The following DNAH7 variants were observed in gnomAD, a reference collection of about 807,000 sequenced individuals.
The protein encoded by DNAH7 is axonemal beta dynein heavy chain 7.
A neutral mutation model predicts 444.6 loss-of-function variants in DNAH7; 397 were observed. The ratio of observed to expected loss-of-function variants is 0.89; its 90% CI spans 0.82 to 0.97. The LOEUF (loss-of-function observed/expected upper bound fraction) is 0.97, where lower values mean the gene tolerates loss of function less well. DNAH7 is among the 50% of genes least tolerant of loss of function. The pLI, the probability that DNAH7 is intolerant of heterozygous loss-of-function variation, is 0.00. For synonymous variants in DNAH7, 1,636 were observed against 1,624.4 expected, an observed-to-expected ratio of 1.01 and a Z score of -0.17; for missense variants, 4,902 against 4,800.8, an observed-to-expected ratio of 1.02 and a Z score of -0.62.
At chr2:195,947,002 G>A (rs1559257616) in intron 19 of DNAH7, among the ~76,000 whole-genome samples, 1 of 151,762 alleles carries the variant, frequency 6.6e-6, no homozygotes, top group Non-Finnish European at 1.5e-5. Flanking sequence ...GTCACTGGTT[G>A]AGTATAGTTG....
intron 5 of DNAH7, among the ~76,000 whole-genome samples, chr2:196,047,058 A>C: frequency 7.4e-6 from 1 of 135,830 alleles, no homozygotes. Flanking sequence ...GAGATTGGGG[A>C]AAAAAAACCT....
Position 196,051,189 on chromosome 2 carries a change from T to G in DNAH7, c.139A>C (p.Met47Leu). ...GAGAATATATTTGGATAAGTTACCATAGACAGCTGTGGTAAAGCTCTTGCT... is the reference window on the plus strand; with the variant it reads ...GAGAATATATTTGGATAAGTTACCAGAGACAGCTGTGGTAAAGCTCTTGCT... ...APARALPQLSMVSTKPHWQQA... is the reference protein window; with the variant it reads ...APARALPQLSLVSTKPHWQQA... The change falls in exon 3 of 65, where the codon ATG becomes CTG. Residue 47 changes from methionine to leucine, a missense_variant and splice_region_variant. Coordinates refer to ENST00000312428, the MANE Select transcript of DNAH7 (RefSeq NM_018897.3). 6.2e-7 allele frequency: 1 copy of G among 1,612,894 alleles called. No homozygotes were observed. The highest frequency in any genetic ancestry group is 8.5e-7 in the Non-Finnish European group (1 of 1,178,966).
intron 58 of DNAH7, among the ~76,000 whole-genome samples, chr2:195,782,018 G>C (rs73987268): frequency 0.011 from 708 of 65,988 alleles, 5 homozygotes; most frequent in Middle Eastern, 0.024. Context: ...CACACACACA[G>C]ACACACCCCT....
rs1701398107 is a variant in DNAH7, at chr2:195,881,817, G to T, written c.5939C>A (p.Thr1980Asn). The T allele has an allele frequency of 6.2e-7, 1 of 1,613,842 alleles. No homozygotes were observed. The highest frequency in any genetic ancestry group is 1.1e-5 in the South Asian group (1 of 91,086). Residue 1980 changes from threonine to asparagine, a missense_variant, in exon 36 of 65, where the codon ACT (threonine) becomes AAT (asparagine). Coordinates refer to ENST00000312428, the MANE Select transcript of DNAH7 (RefSeq NM_018897.3). Reference protein sequence around the residue: ...KPSIFVGPTGTGKSVYITNFL... With the variant: ...KPSIFVGPTGNGKSVYITNFL... Reference sequence around the variant, plus strand: ...TACCGTAATGTAAACACTTTTCCCAGTTCCTGTTGGTCCTACAAATATTGA... The same window carrying T: ...TACCGTAATGTAAACACTTTTCCCATTTCCTGTTGGTCCTACAAATATTGA...
intron 1 of DNAH7, among the ~76,000 whole-genome samples, chr2:196,064,176 G>A (rs926816498): frequency 3.3e-5 from 5 of 152,020 alleles, no homozygotes; most frequent in African/African-American, 7.2e-5. Context: ...TTAGCTGGGC[G>A]TAGTGGCGGG....
chr2:195,868,458 C>T (rs1700485271), intron 40 of DNAH7, among the ~76,000 whole-genome samples: 1 of 151,510 alleles, frequency 6.6e-6, no homozygotes, highest in South Asian at 2.1e-4. Flanking sequence ...ATTTGTATTT[C>T]CCTAATGACT....
chr2:195,789,459 T>C (rs764668504), intron 57 of DNAH7, among the ~76,000 whole-genome samples: 2 of 152,144 alleles, frequency 1.3e-5, no homozygotes, highest in Non-Finnish European at 2.9e-5. Flanking sequence ...CATCACAGAA[T>C]AACTGGATCA....
chr2:195,953,038 T>C (rs1474871090), intron 19 of DNAH7, among the ~76,000 whole-genome samples: 1 of 152,136 alleles, frequency 6.6e-6, no homozygotes, highest in East Asian at 1.9e-4. Flanking sequence ...TTTTCAGCCT[T>C]TTTGCCTGGT....
chr2:196,065,493 C>T (rs1202045184), intron 1 of DNAH7, among the ~76,000 whole-genome samples: 1 of 152,082 alleles, frequency 6.6e-6, no homozygotes, highest in East Asian at 1.9e-4. Context: ...AATTCTTTAC[C>T]CTCTTCTTCC....
intron 61 of DNAH7, among the ~76,000 whole-genome samples, chr2:195,759,644 A>G (rs1694254473): frequency 6.6e-6 from 1 of 152,074 alleles, no homozygotes; most frequent in African/African-American, 2.4e-5. Flanking sequence ...TCTGGAAAGG[A>G]GTTCAAGACT....
At chr2:196,006,991 G>T (rs556037938) in intron 10 of DNAH7, among the ~76,000 whole-genome samples, 1 of 152,130 alleles carries the variant, frequency 6.6e-6, no homozygotes, top group African/African-American at 2.4e-5. Flanking sequence ...CTGTGTTCAT[G>T]AATTGAAAGA....
intron 12 of DNAH7, among the ~76,000 whole-genome samples, chr2:195,989,396 A>G (rs73042551): frequency 0.034 from 5,176 of 152,254 alleles, 265 homozygotes; most frequent in African/African-American, 0.12. Context: ...GAGTGAGGTG[A>G]CATCTCATTG....
intron 15 of DNAH7, 129 bp downstream of exon 15, chr2:195,984,501 CCA>C: frequency 1.1e-6 from 1 of 894,366 alleles, no homozygotes; most frequent in Non-Finnish European, 1.7e-6. Flanking sequence ...GCGCATGCCA[CCA>C]CACCCAGCTA....
At chr2:195,804,898 G>C (rs1283388865) in intron 54 of DNAH7, among the ~76,000 whole-genome samples, 1 of 151,852 alleles carries the variant, frequency 6.6e-6, no homozygotes, top group Non-Finnish European at 1.5e-5. Flanking sequence ...TATATATGAA[G>C]ATGATACAAG....
At chr2:195,783,991 C>CCACATATT (rs1466596941) in intron 58 of DNAH7, among the ~76,000 whole-genome samples, 4 of 151,954 alleles carry the variant, frequency 2.6e-5, no homozygotes, top group African/African-American at 9.7e-5. Flanking sequence ...TGGGGATTTC[C>CCACATATT]CACATATTCC....
intron 29 of DNAH7, 80 bp downstream of exon 29, chr2:195,897,587 T>C: frequency 2.7e-6 from 2 of 751,298 alleles, no homozygotes; most frequent in Non-Finnish European, 4.5e-6. Context: ...TTTTCCATAG[T>C]GGGAGCTTCA....
intron 10 of DNAH7, among the ~76,000 whole-genome samples, chr2:196,006,775 G>A (rs1362070831): frequency 6.6e-6 from 1 of 151,982 alleles, no homozygotes; most frequent in Admixed American, 6.6e-5. Flanking sequence ...AGATGAAATT[G>A]AGAAGACCAT....
At chr2:195,983,377 T>C (rs1357951489) in intron 15 of DNAH7, among the ~76,000 whole-genome samples, 1 of 152,122 alleles carries the variant, frequency 6.6e-6, no homozygotes, top group African/African-American at 2.4e-5. Flanking sequence ...ACAAGAAGCA[T>C]GGTGCCAGCA....
intron 19 of DNAH7, among the ~76,000 whole-genome samples, chr2:195,952,586 C>A (rs1398377350): frequency 6.6e-6 from 1 of 152,190 alleles, no homozygotes; most frequent in African/African-American, 2.4e-5. Context: ...CAGGTTTGGT[C>A]TTTTCACATA....
Sources: allele counts gnomAD v4.1 joint callset (sites outside exome capture counted in the v4.1 genomes callset), GRCh38; gene constraint gnomAD v4.1.1; transcripts MANE v1.5; gene names NCBI Gene and HGNC (gene_info 2026-07-23, HGNC 2026-07-21).